The following CFI variants were observed in gnomAD, a reference collection of about 807,000 sequenced individuals.
CFI encodes C3B/C4B inactivator.
In CFI, 66 loss-of-function variants were observed where a neutral mutation model predicts 78.8. The observed-to-expected ratio is 0.84, with a 90% CI of 0.69 to 1.03. The LOEUF is 1.03. Ranked by LOEUF, CFI falls within the 50% of genes least tolerant of loss-of-function variation. The probability of loss-of-function intolerance (pLI) is 0.00; values close to 1 mark genes in which losing one functional copy is unlikely to be tolerated. For missense variants in CFI, 706 were observed against 704.5 expected (o/e 1.00, Z -0.02); for synonymous variants, 250 against 232.6 (o/e 1.07, Z -0.68).
intron 10 of CFI, among the ~76,000 whole-genome samples, chr4:109,747,614 T>A (rs1324040573): frequency 1.3e-5 from 2 of 152,210 alleles, no homozygotes; most frequent in Admixed American, 1.3e-4. Flanking sequence ...GTCTAACATT[T>A]CCAAACAATA....
chr4:109,732,983 A>AT, the CFI span, among the ~76,000 whole-genome samples: 1,511 of 149,248 alleles, frequency 0.01, 31 homozygotes, highest in African/African-American at 0.033. Context: ...TATCATATAA[A>AT]TTTTTTTTTT....
chr4:109,784,916 T>A (rs983764155), intron 1 of CFI, among the ~76,000 whole-genome samples: 7 of 152,028 alleles, frequency 4.6e-5, no homozygotes, highest in Admixed American at 4.6e-4. Flanking sequence ...AAGATGACAT[T>A]CCACCATTGT....
In CFI at chr4:109,742,521, G is replaced by C. The variant is rs764371341; in HGVS notation, c.1504C>G (p.Arg502Gly). The change falls in exon 12 of 13, where the codon CGT becomes GGT. Residue 502 changes from arginine (R) to glycine (G), a missense_variant. Physicochemically the swap from Arg to Gly is moderately radical, Grantham distance 125. Coordinates refer to ENST00000394634, the MANE Select transcript of CFI (RefSeq NM_000204.5). ...ISNCSKFYGN[R>G]FYEKEMECAG... ...CATTCCATTTCTTTTTCATAGAAACGATTTCCGTAAAACTTAGAGCAGTTG... is the reference window on the plus strand; with the variant it reads ...CATTCCATTTCTTTTTCATAGAAACCATTTCCGTAAAACTTAGAGCAGTTG... 1 of 1,613,258 alleles carries C rather than the reference G, an allele frequency of 6.2e-7. No homozygotes were observed. Among genetic ancestry groups the C allele is most frequent in the East Asian group, 2.2e-5 (1 of 44,876 alleles).
rs534580063 is a variant in CFI at position 109,794,667 on chromosome 4, C to T, written c.57+7248G>A. Reference sequence around the variant, plus strand: ...AATTAGCTGGGTGTGGTGGTGGGCACCTGTAATTCCAGCTATTCAGGGGGC... The same window carrying T: ...AATTAGCTGGGTGTGGTGGTGGGCATCTGTAATTCCAGCTATTCAGGGGGC... On this transcript the variant is annotated intron_variant, in intron 1 of 12. Transcript: ENST00000394634. Among the ~76,000 whole-genome samples, 97 of 152,030 alleles carry T rather than the reference C, an allele frequency of 6.4e-4. 1 individual carries two copies. Among genetic ancestry groups the T allele is most frequent in the African/African-American group, 2.3e-3 (94 of 41,464 alleles).
At chr4:109,757,910 A>AT (rs981216214) in intron 6 of CFI, 127 bp from the exon 7 acceptor site, 1 of 1,410,638 alleles carries the variant, frequency 7.1e-7, no homozygotes, top group African/African-American at 1.5e-5. Flanking sequence ...CGGTAATATA[A>AT]TTTTTCTATT....
intron 7 of CFI, among the ~76,000 whole-genome samples, chr4:109,756,442 GGAGGAGGAGGAGGAA>G (rs1726157372): frequency 1.0e-5 from 1 of 96,286 alleles, no homozygotes; most frequent in Non-Finnish European, 2.5e-5. Flanking sequence ...AGAGGAAGAA[GGAGGAGGAGGAGGAA>G]GAGGAGGAGG....
chr4:109,771,403 A>T (rs985573166), intron 1 of CFI, among the ~76,000 whole-genome samples: 1 of 139,600 alleles, frequency 7.2e-6, no homozygotes. Context: ...CTAAAAATAA[A>T]AAAAAAAATC....
At chr4:109,749,474 A>G (rs1257036473) in intron 9 of CFI, 25 bp downstream of exon 9, 24 of 1,583,846 alleles carry the variant, frequency 1.5e-5, no homozygotes, top group Non-Finnish European at 1.6e-5. Context: ...GGGCAGTTGC[A>G]TTGTGACTTT....
Position 109,741,009 on chromosome 4 carries a change from A to G in CFI, c.1636T>C (p.Trp546Arg), listed in dbSNP as rs768216926. The G allele has an allele frequency of 6.2e-7, 1 of 1,614,044 alleles. No homozygotes were observed. The highest frequency in any genetic ancestry group is 8.5e-7 in the Non-Finnish European group (1 of 1,180,004). ...NVTYVWGVVS[W>R]GENCGKPEFP... is the part of the protein sequence containing the mutation. The stretch of plus-strand genomic sequence containing the variant: ...TCTGGTTTTCCACAGTTTTCCCCCC[A>G]ACTCACAACACCCCAGACATAAGTC... The change falls in exon 13 of 13, where the codon TGG becomes CGG. Residue 546 changes from tryptophan (W) to arginine (R), a missense_variant. Trp to Arg is a moderately radical substitution (Grantham distance 101). Transcript: ENST00000394634.
rs121964913 is a variant in CFI, at chr4:109,746,231, G to A, written c.1420C>T (p.Arg474Ter). The change falls in exon 11 of 13, where the codon CGA (arginine) becomes TGA (stop). Residue 474 changes from arginine to a stop codon, truncating the protein, a stop_gained. Transcript: ENST00000394634. LOFTEE classifies it high-confidence loss of function. Reference sequence around the variant, plus strand: ...ACTGTAAAACATATACCTTTTTCTCGTCCCCAGCCAGAAACGATGCATGTA... The same window carrying A: ...ACTGTAAAACATATACCTTTTTCTCATCCCCAGCCAGAAACGATGCATGTA... ...NDTCIVSGWG[R>*]EKDNERVFSL... 2.2e-5 allele frequency: 35 copies of A among 1,613,566 alleles called. No individual in the cohort carries two copies. The highest frequency in any genetic ancestry group is 4.4e-5 in the South Asian group (4 of 91,072).
intron 1 of CFI, among the ~76,000 whole-genome samples, chr4:109,800,321 GTTTTTTTTTT>G (rs554145445): frequency 1.2e-4 from 6 of 48,774 alleles, no homozygotes; most frequent in African/African-American, 3.9e-4. Context: ...TGGCTTCTCT[GTTTTTTTTTT>G]TTTTTTTTTT....
At chr4:109,774,823 C>T in intron 1 of CFI, among the ~76,000 whole-genome samples, 1 of 152,130 alleles carries the variant, frequency 6.6e-6, no homozygotes, top group Non-Finnish European at 1.5e-5. Context: ...TTGGTTACTT[C>T]CTTTCTTCTG....
At chr4:109,770,248 G>C (rs1008698608) in intron 1 of CFI, among the ~76,000 whole-genome samples, 1 of 152,150 alleles carries the variant, frequency 6.6e-6, no homozygotes, top group Non-Finnish European at 1.5e-5. Flanking sequence ...TGGGAGGTGA[G>C]GAAGTGGAAG....
intron 7 of CFI, among the ~76,000 whole-genome samples, chr4:109,752,939 TAA>T (rs1456327814): frequency 0.047 from 5,059 of 107,164 alleles, 1,696 homozygotes; most frequent in Admixed American, 0.067. Flanking sequence ...ATTATATAAA[TAA>T]ATATTTATAA....
Position 109,751,534 on chromosome 4 carries a change from C to T in CFI, c.940+934G>A, listed in dbSNP as rs145621383. ...TTGGTTCACTGCAACCTCCACCTCC[C>T]GGGTTCAAGCGATTCTCCTGCCTCA... is the stretch of plus-strand genomic sequence containing the variant. On this transcript the variant is annotated intron_variant, in intron 8 of 12. Transcript: ENST00000394634. 4.7e-3 allele frequency among the ~76,000 whole-genome samples: 708 copies of T among 151,064 alleles called. 6 individuals carry two copies. Among genetic ancestry groups the T allele is most frequent in the African/African-American group, 0.016 (668 of 41,090 alleles).
At position 109,742,395 on chromosome 4, in the gene CFI, A is replaced by T. The variant is rs752290670; in HGVS notation, c.1534+96T>A. The T allele has an allele frequency of 1.4e-4, 110 of 813,502 alleles. 1 individual carries two copies. Among genetic ancestry groups the T allele is most frequent in the Non-Finnish European group, 2.2e-4 (101 of 464,014 alleles). The allele number at this position is 813,502 out of a possible 1,614,324, so 50.4% of individuals were successfully genotyped here. The stretch of plus-strand genomic sequence containing the variant: ...GCCAGAAGGCCAAATGGAGGGAATT[A>T]GGGCCCAAAGCATGGGGGCTGATGT... On this transcript the variant is annotated intron_variant, in intron 12 of 12. Transcript: ENST00000394634.
rs756146129 is a variant in CFI at position 109,746,382 on chromosome 4, T to C, written c.1269A>G (p.Ala423=). 1 of 1,614,188 alleles carries C rather than the reference T, an allele frequency of 6.2e-7. No homozygotes were observed. Among genetic ancestry groups the C allele is most frequent in the Non-Finnish European group, 8.5e-7 (1 of 1,180,016 alleles). The change falls in exon 11 of 13, where the codon GCA becomes GCG. Residue 423 remains alanine, a synonymous_variant. Coordinates refer to ENST00000394634, the MANE Select transcript of CFI (RefSeq NM_000204.5). ...DRIIFHENYN[A]GTYQNDIALI... ...AAGCGATGTCATTTTGGTAAGTGCCTGCATTGTAGTTTTCATGGAAAATAA... is the reference window on the plus strand; with the variant it reads ...AAGCGATGTCATTTTGGTAAGTGCCCGCATTGTAGTTTTCATGGAAAATAA...
chr4:109,761,757 G>C, intron 3 of CFI, 65 bp from the exon 4 acceptor site: 2 of 1,339,694 alleles, frequency 1.5e-6, no homozygotes, highest in South Asian at 2.4e-5. Flanking sequence ...TAACCCTACT[G>C]TAGCAGGTAA....
intron 1 of CFI, among the ~76,000 whole-genome samples, chr4:109,769,573 T>C (rs530191027): frequency 2.0e-5 from 3 of 152,246 alleles, no homozygotes; most frequent in African/African-American, 7.2e-5. Flanking sequence ...GAGCCAACTC[T>C]CTCATGCGGG....
Sources: gnomAD v4.1 joint callset for allele counts (sites outside exome capture counted in the v4.1 genomes callset) on GRCh38, gnomAD v4.1.1 for gene constraint, MANE v1.5 for transcripts, NCBI Gene and HGNC (gene_info 2026-07-23, HGNC 2026-07-21) for gene names.